RARB: variants seen among roughly 807,000 people sequenced by gnomAD.
RARB encodes the protein retinoic acid receptor beta.
Under a neutral mutation model 51.9 loss-of-function variants are expected in RARB, and 17 were observed. The ratio of observed to expected loss-of-function variants is 0.33; its 90% CI spans 0.22 to 0.49. RARB has a LOEUF of 0.49. Ranked by LOEUF, RARB falls within the 20% of genes least tolerant of loss-of-function variation. The pLI, the probability that RARB is intolerant of heterozygous loss-of-function variation, is 0.99. For missense variants in RARB, 369 were observed against 550.8 expected (o/e 0.67, Z 3.30); for synonymous variants, 215 against 195.4 (o/e 1.10, Z -0.84).
intron 2 of RARB, 102 bp from the exon 3 acceptor site, chr3:25,501,080 G>C: frequency 7.4e-7 from 1 of 1,344,720 alleles, no homozygotes; most frequent in Non-Finnish European, 9.9e-7. Context: ...CCATCACTTC[G>C]TTACTCAAAA....
At chr3:25,492,650 T>G (rs1274804595) in intron 2 of RARB, among the ~76,000 whole-genome samples, 1 of 151,444 alleles carries the variant, frequency 6.6e-6, no homozygotes, top group Non-Finnish European at 1.5e-5. Context: ...AATGCTGTAA[T>G]CATATTCTTC....
rs34706427 is a variant in RARB, at chr3:24,855,744, A to ATTTT, written c.-458-2912_-458-2909dup. On this transcript the variant is annotated intron_variant, in intron 1 of 11. Coordinates refer to the RARB transcript ENST00000383772. ...TTCCAGATGGAAACTGGAAATCTGC[A>ATTTT]TTTTTTTTTTTTTTTTTTTTTGAGA... is the stretch of plus-strand genomic sequence containing the variant. 5.5e-3 allele frequency among the ~76,000 whole-genome samples: 606 copies of ATTTT among 110,146 alleles called. 33 individuals are homozygous for ATTTT. The highest frequency in any genetic ancestry group is 0.02 in the African/African-American group (559 of 28,186). 72.3% of individuals were successfully genotyped at this position (110,146 alleles called of 152,430 possible).
intron 4 of RARB, among the ~76,000 whole-genome samples, chr3:25,160,536 C>T (rs1249208447): frequency 6.6e-6 from 1 of 152,156 alleles, no homozygotes; most frequent in East Asian, 1.9e-4. Context: ...TGAAAAACAA[C>T]AACAACAAAA....
chr3:25,129,691 T>C (rs564473754), intron 3 of RARB, among the ~76,000 whole-genome samples: 3 of 152,162 alleles, frequency 2.0e-5, no homozygotes, highest in East Asian at 3.9e-4. Flanking sequence ...TACTATAAAT[T>C]TCTAAAATAC....
At chr3:25,582,012 G>T (rs1047108336) in intron 5 of RARB, among the ~76,000 whole-genome samples, 1 of 152,102 alleles carries the variant, frequency 6.6e-6, no homozygotes, top group African/African-American at 2.4e-5. Context: ...GTGGAGTGGG[G>T]TATACGGCCA....
At chr3:24,889,675 A>AGTGTGTGTGTGTGTGT (rs71057686) in intron 2 of RARB, among the ~76,000 whole-genome samples, 3,241 of 142,880 alleles carry the variant, frequency 0.023, 51 homozygotes, top group Admixed American at 0.033. Flanking sequence ...CACCTCTTAA[A>AGTGTGTGTGTGTGTGT]GTGTGTGTGT....
chr3:25,345,691 T>G (rs930080458), intron 5 of RARB, among the ~76,000 whole-genome samples: 25 of 148,622 alleles, frequency 1.7e-4, no homozygotes, highest in African/African-American at 6.3e-4. Flanking sequence ...AAAAAATTCA[T>G]CAAAGGACTA....
At chr3:25,466,864 C>A (rs1203969407) in intron 2 of RARB, among the ~76,000 whole-genome samples, 1 of 152,202 alleles carries the variant, frequency 6.6e-6, no homozygotes, top group Non-Finnish European at 1.5e-5. Flanking sequence ...ACTTTGTTTA[C>A]AAAAGCAGTG....
chr3:25,358,073 C>G (rs1705806629), intron 5 of RARB, among the ~76,000 whole-genome samples: 1 of 151,270 alleles, frequency 6.6e-6, no homozygotes, highest in Non-Finnish European at 1.5e-5. Context: ...ATGGGAATAA[C>G]ATTGAATCTA....
chr3:25,236,300 T>C (rs1702299247), intron 5 of RARB, among the ~76,000 whole-genome samples: 1 of 152,198 alleles, frequency 6.6e-6, no homozygotes, highest in Non-Finnish European at 1.5e-5. Flanking sequence ...CTAATTTTAC[T>C]CATCAACAGA....
intron 2 of RARB, among the ~76,000 whole-genome samples, chr3:24,871,852 T>C (rs11921453): frequency 0.095 from 14,513 of 152,192 alleles, 1,282 homozygotes; most frequent in African/African-American, 0.23. Context: ...CCTTTTTCTT[T>C]ATTGCCTCGC....
At chr3:25,234,569 G>A (rs1400620904) in intron 5 of RARB, among the ~76,000 whole-genome samples, 1 of 151,698 alleles carries the variant, frequency 6.6e-6, no homozygotes, top group African/African-American at 2.4e-5. Context: ...TCCATGCTTG[G>A]GGGTGAACCT....
chr3:25,465,762 G>A (rs1209921477), intron 2 of RARB, among the ~76,000 whole-genome samples: 2 of 152,080 alleles, frequency 1.3e-5, no homozygotes, highest in Non-Finnish European at 2.9e-5. Flanking sequence ...GGGACAAAGA[G>A]TACACAAAAG....
At chr3:24,956,960 G>A (rs186529874) in intron 2 of RARB, among the ~76,000 whole-genome samples, 56 of 152,310 alleles carry the variant, frequency 3.7e-4, no homozygotes, top group African/African-American at 1.0e-3. Context: ...TCTGAGTTAC[G>A]GAGTCGAGAT....
At chr3:25,553,776 TC>T (rs1238994193) in intron 3 of RARB, among the ~76,000 whole-genome samples, 1 of 152,170 alleles carries the variant, frequency 6.6e-6, no homozygotes. Flanking sequence ...AATCGAAACA[TC>T]CAACATCTCT....
At chr3:25,573,844 A>G (rs994064177) in intron 4 of RARB, among the ~76,000 whole-genome samples, 6 of 152,204 alleles carry the variant, frequency 3.9e-5, no homozygotes, top group East Asian at 1.9e-4. Flanking sequence ...TTGAAAGAGT[A>G]GTTCCTTTTT....
At chr3:24,864,021 C>G (rs1458768383) in intron 2 of RARB, among the ~76,000 whole-genome samples, 2 of 152,282 alleles carry the variant, frequency 1.3e-5, no homozygotes, top group Non-Finnish European at 2.9e-5. Context: ...TTCAATCTGT[C>G]TCTGCCCATG....
At chr3:25,576,866 C>T (rs1005337646) in intron 4 of RARB, among the ~76,000 whole-genome samples, 1 of 152,162 alleles carries the variant, frequency 6.6e-6, no homozygotes, top group Non-Finnish European at 1.5e-5. Context: ...GTGTTGGGGG[C>T]CTTCTCCTCT....
At chr3:25,499,481 A>G (rs537698507) in intron 2 of RARB, among the ~76,000 whole-genome samples, 8 of 152,256 alleles carry the variant, frequency 5.3e-5, no homozygotes, top group South Asian at 2.1e-4. Flanking sequence ...TTGATCATCC[A>G]TTGTCTGCAA....
Sources: allele counts gnomAD v4.1 joint callset (sites outside exome capture counted in the v4.1 genomes callset), GRCh38; gene constraint gnomAD v4.1.1; transcripts MANE v1.5; gene names NCBI Gene and HGNC (gene_info 2026-07-23, HGNC 2026-07-21).